SKAP1: variants seen among roughly 807,000 people sequenced by gnomAD.
The protein encoded by SKAP1 is src kinase associated phosphoprotein 1, also known as src kinase-associated phosphoprotein 1.
A neutral mutation model predicts 58.5 loss-of-function variants in SKAP1; 44 were observed. That is an observed-to-expected ratio of 0.75 (90% CI 0.59 to 0.97). The LOEUF is 0.97. Ranked by LOEUF, SKAP1 falls within the 50% of genes least tolerant of loss-of-function variation. SKAP1 has a pLI of 0.00. For synonymous variants in SKAP1, 127 were observed against 149.7 expected (o/e 0.85, Z 1.11); for missense variants, 390 against 435.2 (o/e 0.90, Z 0.92).
intron 2 of SKAP1, among the ~76,000 whole-genome samples, chr17:48,366,112 A>C (rs1476422968): frequency 6.6e-6 from 1 of 152,336 alleles, no homozygotes; most frequent in East Asian, 1.9e-4. Context: ...CTTCTAGTAC[A>C]TACATTACTA....
At chr17:48,329,360 T>G (rs1485198768) in intron 4 of SKAP1, among the ~76,000 whole-genome samples, 1 of 152,208 alleles carries the variant, frequency 6.6e-6, no homozygotes, top group Non-Finnish European at 1.5e-5. Context: ...TTAAAGTAAC[T>G]CCGGAGTCTC....
chr17:48,282,922 T>G (rs2065785761), intron 4 of SKAP1, among the ~76,000 whole-genome samples: 2 of 152,200 alleles, frequency 1.3e-5, no homozygotes, highest in Admixed American at 1.3e-4. Context: ...TTAGCAATTA[T>G]GTAATTCCAT....
At chr17:48,382,464 A>G (rs954786306) in intron 2 of SKAP1, 1 of 152,254 alleles carries the variant, frequency 6.6e-6, no homozygotes, top group Non-Finnish European at 1.5e-5. Flanking sequence ...AGCAACACCA[A>G]GAGCCAGCTT....
chr17:48,155,409 C>T (rs753135015), intron 11 of SKAP1, among the ~76,000 whole-genome samples: 4 of 151,778 alleles, frequency 2.6e-5, no homozygotes, highest in Admixed American at 1.3e-4. Flanking sequence ...TGAGCCACCA[C>T]GCCCTGCCAA....
At chr17:48,267,520 C>T (rs79852909) in intron 4 of SKAP1, among the ~76,000 whole-genome samples, 1 of 152,272 alleles carries the variant, frequency 6.6e-6, no homozygotes, top group African/African-American at 2.4e-5. Flanking sequence ...ATACTCTATA[C>T]ACAAGTCCTT....
At chr17:48,299,777 G>T (rs1446159575) in intron 4 of SKAP1, among the ~76,000 whole-genome samples, 2 of 152,116 alleles carry the variant, frequency 1.3e-5, no homozygotes, top group Non-Finnish European at 2.9e-5. Flanking sequence ...AAGGGGTTGA[G>T]TCCAACCTGG....
In SKAP1 at chr17:48,396,684, C is replaced by A. The variant is rs1232920630; in HGVS notation, c.148G>T (p.Ala50Ser). 6 of 1,604,838 alleles carry A rather than the reference C, an allele frequency of 3.7e-6. No homozygotes were observed. The highest frequency in any genetic ancestry group is 1.7e-5 in the Admixed American group (1 of 59,620). ...HILRGFQQIK[A>S]RYYWDFQPQG... ...ATGGAACCAGTTTATACAAACCTGG[C>A]TTTGATTTGCTGAAAGCCCCGTAGA... is the stretch of plus-strand genomic sequence containing the variant. The change falls in exon 2 of 13, where the codon GCC becomes TCC. Residue 50 changes from alanine (A) to serine (S), a missense_variant. Physicochemically the swap from Ala to Ser is moderately conservative, Grantham distance 99. Transcript: ENST00000336915.
intron 11 of SKAP1, among the ~76,000 whole-genome samples, chr17:48,156,919 A>G (rs895202512): frequency 7.2e-5 from 11 of 152,156 alleles, no homozygotes; most frequent in African/African-American, 2.7e-4. Context: ...TTTGTGCTGT[A>G]GATCATCTCT....
intron 4 of SKAP1, among the ~76,000 whole-genome samples, chr17:48,302,866 T>C (rs2066080048): frequency 6.6e-6 from 1 of 152,158 alleles, no homozygotes; most frequent in African/African-American, 2.4e-5. Context: ...GGGATAGAGA[T>C]TTGTAAGCAC....
chr17:48,282,340 A>AT (rs886717457), intron 4 of SKAP1, among the ~76,000 whole-genome samples: 3 of 150,216 alleles, frequency 2.0e-5, no homozygotes, highest in Non-Finnish European at 4.5e-5. Flanking sequence ...CTAATGCCTT[A>AT]TTTTTTTTAA....
chr17:48,332,978 G>A (rs548074821), intron 4 of SKAP1, among the ~76,000 whole-genome samples: 15 of 152,018 alleles, frequency 9.9e-5, no homozygotes, highest in African/African-American at 1.7e-4. Context: ...TAACTAAATC[G>A]GACAGAATTC....
chr17:48,417,613 C>T (rs1261057673), intron 1 of SKAP1, among the ~76,000 whole-genome samples: 1 of 152,068 alleles, frequency 6.6e-6, no homozygotes, highest in African/African-American at 2.4e-5. Context: ...GGCGTGGTGG[C>T]ACATGCCTGT....
At chr17:48,230,070 C>T (rs1468430896) in intron 4 of SKAP1, among the ~76,000 whole-genome samples, 1 of 55,584 alleles carries the variant, frequency 1.8e-5, no homozygotes, top group Non-Finnish European at 3.6e-5. Context: ...TCTCACTTTT[C>T]AACAATGCCC....
chr17:48,157,730 T>C (rs543140961), intron 11 of SKAP1, among the ~76,000 whole-genome samples: 74 of 151,406 alleles, frequency 4.9e-4, no homozygotes, highest in Non-Finnish European at 9.2e-4. Flanking sequence ...GGTTTCACCA[T>C]GTTGGCCAGG....
intron 4 of SKAP1, among the ~76,000 whole-genome samples, chr17:48,345,113 C>A (rs1312296640): frequency 6.6e-6 from 1 of 152,198 alleles, no homozygotes; most frequent in African/African-American, 2.4e-5. Context: ...GATGATGAAA[C>A]CTTCTGCTCA....
At chr17:48,364,885 T>C (rs909719312) in intron 2 of SKAP1, among the ~76,000 whole-genome samples, 10 of 151,850 alleles carry the variant, frequency 6.6e-5, no homozygotes, top group African/African-American at 2.4e-4. Flanking sequence ...GTCTTTTATT[T>C]ATCTATTTTT....
chr17:48,334,630 C>T (rs2066545338), intron 4 of SKAP1, among the ~76,000 whole-genome samples: 1 of 151,658 alleles, frequency 6.6e-6, no homozygotes, highest in South Asian at 2.1e-4. Context: ...AAATCTGACA[C>T]AGATCAAGAA....
At chr17:48,220,405 A>T (rs532578250) in intron 4 of SKAP1, among the ~76,000 whole-genome samples, 1 of 152,354 alleles carries the variant, frequency 6.6e-6, no homozygotes, top group South Asian at 2.1e-4. Context: ...AACACGGACA[A>T]TCCTCACAAA....
At chr17:48,418,151 A>G (rs2067754261) in intron 1 of SKAP1, among the ~76,000 whole-genome samples, 1 of 152,110 alleles carries the variant, frequency 6.6e-6, no homozygotes, top group Non-Finnish European at 1.5e-5. Context: ...TTAGCTGGGC[A>G]TGGTGGCATG....
Sources: allele counts gnomAD v4.1 joint callset (sites outside exome capture counted in the v4.1 genomes callset), GRCh38; gene constraint gnomAD v4.1.1; transcripts MANE v1.5; gene names NCBI Gene and HGNC (gene_info 2026-07-23, HGNC 2026-07-21).